Variants in PRDM16 observed in about 807,000 individuals in gnomAD.
The protein encoded by PRDM16 is histone-lysine N-methyltransferase PRDM16.
In PRDM16, 23 loss-of-function variants were observed where a neutral mutation model predicts 110.6. The ratio of observed to expected loss-of-function variants is 0.21; its 90% CI spans 0.15 to 0.29. The LOEUF (loss-of-function observed/expected upper bound fraction) is 0.29, where lower values mean the gene tolerates loss of function less well. Ranked by LOEUF, PRDM16 falls within the 10% of genes least tolerant of loss-of-function variation. The pLI is 1.00. For synonymous variants in PRDM16, 799 were observed against 781.8 expected, an observed-to-expected ratio of 1.02 and a Z score of -0.37; for missense variants, 1,615 against 1,794.3, an observed-to-expected ratio of 0.90 and a Z score of 1.81.
intron 2 of PRDM16, among the ~76,000 whole-genome samples, chr1:3,240,993 G>C (rs1265224532): frequency 6.6e-6 from 1 of 152,244 alleles, no homozygotes; most frequent in Non-Finnish European, 1.5e-5. Context: ...CAGCAATCGA[G>C]GAGCCAGCGG....
chr1:3,143,908 G>T lies in PRDM16; in HGVS notation c.38-42217G>T, dbSNP rs746811180. 5.1e-4 allele frequency among the ~76,000 whole-genome samples: 77 copies of T among 152,316 alleles called. 1 individual carries two copies. Among genetic ancestry groups the T allele is most frequent in the Middle Eastern group, 3.4e-3 (1 of 294 alleles). On this transcript the variant is annotated intron_variant, in intron 1 of 16. Transcript: ENST00000270722. The surrounding 1 kb of genome is among the most constrained non-coding windows in gnomAD (Gnocchi z 4.5). Reference sequence around the variant, plus strand: ...GACTGGCAAGCTTGGGGTTCCTGGGGCATCTTGTCATGTGTTAGTCGTAGT... The same window carrying T: ...GACTGGCAAGCTTGGGGTTCCTGGGTCATCTTGTCATGTGTTAGTCGTAGT...
intron 3 of PRDM16, among the ~76,000 whole-genome samples, chr1:3,248,410 T>G (rs1269434007): frequency 6.6e-6 from 1 of 152,206 alleles, no homozygotes; most frequent in Non-Finnish European, 1.5e-5. Context: ...CTCTTATTTT[T>G]ATTTTCTCTT....
At chr1:3,137,566 C>T (rs997597412) in intron 1 of PRDM16, among the ~76,000 whole-genome samples, 4 of 152,220 alleles carry the variant, frequency 2.6e-5, no homozygotes, top group Admixed American at 6.5e-5. Flanking sequence ...GAAGAACCGT[C>T]CAGGAGGACC....
Position 3,425,560 on chromosome 1 carries a change from G to A in PRDM16, c.2940-21G>A. The A allele has an allele frequency of 6.2e-7, 1 of 1,612,060 alleles. No individual in the cohort carries two copies. The highest frequency in any genetic ancestry group is 1.7e-5 in the Admixed American group (1 of 59,944). The stretch of plus-strand genomic sequence containing the variant: ...ATGCAGAGCCGGGGCCTGCACTGAG[G>A]AGCGCGTGTGCCCCTTCCAGGTGTA... On this transcript the variant is annotated intron_variant, in intron 12 of 16. Coordinates refer to ENST00000270722, the MANE Select transcript of PRDM16 (RefSeq NM_022114.4). The surrounding 1 kb of genome is among the most constrained non-coding windows in gnomAD (Gnocchi z 6.9).
intron 1 of PRDM16, among the ~76,000 whole-genome samples, chr1:3,116,164 G>C (rs1642954129): frequency 6.6e-6 from 1 of 152,192 alleles, no homozygotes. Flanking sequence ...GGCAGCACTG[G>C]TGGCCGTTGA....
chr1:3,113,312 G>A (rs1642836985), intron 1 of PRDM16, among the ~76,000 whole-genome samples: 1 of 152,238 alleles, frequency 6.6e-6, no homozygotes, highest in African/African-American at 2.4e-5. Flanking sequence ...GGGGCCCGGA[G>A]GAGACAGGAC....
intron 3 of PRDM16, among the ~76,000 whole-genome samples, chr1:3,284,263 TTAAAA>T (rs1463636790): frequency 6.6e-6 from 1 of 152,210 alleles, no homozygotes; most frequent in Non-Finnish European, 1.5e-5. Context: ...TTGGGAACCT[TTAAAA>T]TAAAGAGTCA....
Position 3,390,729 on chromosome 1 carries a change from T to A in PRDM16, c.573+5443T>A, listed in dbSNP as rs1643284559. Among the ~76,000 whole-genome samples the A allele has an allele frequency of 6.6e-6, 1 of 152,156 alleles. No individual in the cohort carries two copies. The highest frequency in any genetic ancestry group is 2.1e-4 in the South Asian group (1 of 4,830). On this transcript the variant is annotated intron_variant, in intron 4 of 16. Coordinates refer to ENST00000270722, the MANE Select transcript of PRDM16 (RefSeq NM_022114.4). This position sits in a 1 kb window ranked among gnomAD's most constrained non-coding sequence, Gnocchi z 5.0. ...CGCGTTTCTGTCTGGGCGTGTGCCC[T>A]GTCAGGGTTGCGGTTTTAAACAGAG...
At chr1:3,433,394 C>T (rs1001772730) in intron 16 of PRDM16, among the ~76,000 whole-genome samples, 18 of 152,266 alleles carry the variant, frequency 1.2e-4, no homozygotes, top group Non-Finnish European at 1.8e-4. Flanking sequence ...AGGCTGGGAA[C>T]GGACGAGGCT....
At chr1:3,225,574 G>GTGTGTGCGCGCGCGCA (rs1491529163) in intron 2 of PRDM16, among the ~76,000 whole-genome samples, 42 of 135,200 alleles carry the variant, frequency 3.1e-4, no homozygotes, top group African/African-American at 1.3e-3. Flanking sequence ...GTGTGTGTGT[G>GTGTGTGCGCGCGCGCA]CGCGCGCGCA....
intron 3 of PRDM16, among the ~76,000 whole-genome samples, chr1:3,378,852 A>G (rs1223732727): frequency 6.6e-6 from 1 of 152,040 alleles, no homozygotes; most frequent in African/African-American, 2.4e-5. Context: ...TCTGAGACAG[A>G]AAAGCAGTGG....
intron 1 of PRDM16, among the ~76,000 whole-genome samples, chr1:3,123,848 G>T (rs1365476280): frequency 6.6e-6 from 1 of 152,254 alleles, no homozygotes; most frequent in Non-Finnish European, 1.5e-5. Context: ...AAGGCAGTTG[G>T]CCTCTCCTCA....
chr1:3,280,051 A>G (rs79902390), intron 3 of PRDM16, among the ~76,000 whole-genome samples: 5 of 115,620 alleles, frequency 4.3e-5, no homozygotes, highest in Non-Finnish European at 9.3e-5. Flanking sequence ...AAGCAGGGTG[A>G]AAAAAAAAAA....
chr1:3,173,866 GC>G (rs2100764935), intron 1 of PRDM16, among the ~76,000 whole-genome samples: 1 of 152,326 alleles, frequency 6.6e-6, no homozygotes, highest in South Asian at 2.1e-4. Context: ...AGAGAAGGGG[GC>G]CAACAACCTG....
In PRDM16 at chr1:3,081,581, G is replaced by A. The variant is rs2100578575; in HGVS notation, c.37+12285G>A. Among the ~76,000 whole-genome samples, 1 of 152,296 alleles carries A rather than the reference G, an allele frequency of 6.6e-6. No homozygotes were observed. The highest frequency in any genetic ancestry group is 2.1e-4 in the South Asian group (1 of 4,828). ...CTTGGCATCACCTACAGGGATGGCG[G>A]CGGCCAGGGTTGGTCTTCCTTCTGT... is the stretch of plus-strand genomic sequence containing the variant. On this transcript the variant is annotated intron_variant, in intron 1 of 16. Transcript: ENST00000270722. This position sits in a 1 kb window ranked among gnomAD's most constrained non-coding sequence, Gnocchi z 4.6.
rs530307548 is a variant in PRDM16, at chr1:3,146,111, G to A, written c.38-40014G>A. On this transcript the variant is annotated intron_variant, in intron 1 of 16. Transcript: ENST00000270722. ...AGACACACCCCCACACACAGCACAC[G>A]TGGGCATCAGGGCTCTGCTGCACTG... Among the ~76,000 whole-genome samples the A allele has an allele frequency of 8.5e-5, 13 of 152,304 alleles. No individual in the cohort carries two copies. The East Asian group carries it at 1.2e-3, about 14-fold the overall frequency.
chr1:3,394,506 G>A, intron 4 of PRDM16: 1 of 432,486 alleles, frequency 2.3e-6, no homozygotes, highest in Non-Finnish European at 4.6e-6. Context: ...TGGGTGGGGT[G>A]GGTGGTGCGG....
rs557140040 is a variant in PRDM16, at chr1:3,098,037, C to G, written c.37+28741C>G. On this transcript the variant is annotated intron_variant, in intron 1 of 16. Transcript: ENST00000270722. Reference sequence around the variant, plus strand: ...CTCCTCCAGCAGGACTGGAAACTGCCCCCGCCCCTCTCCCTCCTTTGCCCG... The same window carrying G: ...CTCCTCCAGCAGGACTGGAAACTGCGCCCGCCCCTCTCCCTCCTTTGCCCG... Among the ~76,000 whole-genome samples the G allele has an allele frequency of 2.9e-4, 44 of 152,280 alleles. 1 individual carries two copies. The South Asian group carries it at 7.0e-3, about 24-fold the overall frequency.
In PRDM16 at chr1:3,181,872, AC is replaced by A. The variant is rs1266331570; in HGVS notation, c.38-4252del. On this transcript the variant is annotated intron_variant, in intron 1 of 16. Coordinates refer to ENST00000270722, the MANE Select transcript of PRDM16 (RefSeq NM_022114.4). ...CGGTCTTACACACGCAGTCTTACAC[AC>A]GGTCTTGCACACGCAGTCTTACACA... is the stretch of plus-strand genomic sequence containing the variant. Among the ~76,000 whole-genome samples the A allele has an allele frequency of 6.4e-5, 6 of 93,942 alleles. 1 individual carries two copies. Among genetic ancestry groups the A allele is most frequent in the Admixed American group, 2.4e-4 (2 of 8,248 alleles). 61.6% of individuals were successfully genotyped at this position (93,942 alleles called of 152,430 possible).
Sources: allele counts gnomAD v4.1 joint callset (sites outside exome capture counted in the v4.1 genomes callset), GRCh38; gene constraint gnomAD v4.1.1; non-coding constraint Gnocchi (gnomAD v3.1); transcripts MANE v1.5; gene names NCBI Gene and HGNC (gene_info 2026-07-23, HGNC 2026-07-21).